The following WIPF3 variants were observed in gnomAD, a reference collection of about 807,000 sequenced individuals.
WIPF3 encodes WAS/WASL interacting protein family member 3, also known as WAS/WASL-interacting protein family member 3.
WIPF3 carries 33 observed loss-of-function variants against 38.9 expected under a neutral mutation model. The ratio of observed to expected loss-of-function variants is 0.85; its 90% confidence interval spans 0.64 to 1.14. The LOEUF is 1.14. Among genes scored for constraint, WIPF3 ranks in the 50% most tolerant of loss-of-function variants. The pLI, the probability that WIPF3 is intolerant of heterozygous loss-of-function variation, is 0.00. For synonymous variants in WIPF3, 324 were observed against 269.3 expected (o/e 1.20, Z -1.99); for missense variants, 711 against 652.5 (o/e 1.09, Z -0.98).
intron 8 of WIPF3, chr7:29,906,266 T>G (rs572607943): frequency 2.6e-5 from 4 of 152,134 alleles, no homozygotes; most frequent in Admixed American, 1.3e-4. Flanking sequence ...ACAACTGTCT[T>G]AAAGATGCTC....
chr7:29,897,483 T>A (rs149047266), intron 7 of WIPF3, among the ~76,000 whole-genome samples: 3 of 152,392 alleles, frequency 2.0e-5, no homozygotes, highest in African/African-American at 7.2e-5. Context: ...TTTTATTTTC[T>A]GTTTTTTATT....
At chr7:29,907,059 G>A (rs1243348622) in intron 8 of WIPF3, among the ~76,000 whole-genome samples, 2 of 152,190 alleles carry the variant, frequency 1.3e-5, no homozygotes, top group African/African-American at 4.8e-5. Flanking sequence ...ACACGAAACA[G>A]TAACTTGAAG....
intron 7 of WIPF3, among the ~76,000 whole-genome samples, chr7:29,890,319 T>G (rs1785976952): frequency 6.9e-6 from 1 of 145,896 alleles, no homozygotes; most frequent in Non-Finnish European, 1.5e-5. Flanking sequence ...GCCACTTCAC[T>G]CCAGCATTGA....
At chr7:29,888,013 T>C in intron 5 of WIPF3, 55 bp from the exon 6 acceptor site, 1 of 1,607,702 alleles carries the variant, frequency 6.2e-7, no homozygotes, top group South Asian at 1.1e-5. Context: ...CATAAGGTTA[T>C]AGCATCCACC....
intron 1 of WIPF3, among the ~76,000 whole-genome samples, chr7:29,818,885 T>C (rs761062049): frequency 5.6e-4 from 86 of 152,334 alleles, no homozygotes; most frequent in Non-Finnish European, 9.7e-4. Context: ...ATGATTTTCC[T>C]GTTTTATGCC....
rs1165383958 is a variant in WIPF3 at position 29,844,155 on chromosome 7, G to GT, written c.90+9342dup. Among the ~76,000 whole-genome samples the GT allele has an allele frequency of 6.6e-6, 1 of 152,228 alleles. No homozygotes were observed. Among genetic ancestry groups the GT allele is most frequent in the Non-Finnish European group, 1.5e-5 (1 of 68,030 alleles). On this transcript the variant is annotated intron_variant, in intron 2 of 8. Transcript: ENST00000242140. This position sits in a 1 kb window ranked among gnomAD's most constrained non-coding sequence, Gnocchi z 4.8. ...GCCTATGCACTCTCACATAAAGGCTGTAAGGACATGGAAAACGTGTCATCA... is the reference window on the plus strand; with the variant it reads ...GCCTATGCACTCTCACATAAAGGCTGTTAAGGACATGGAAAACGTGTCATCA...
intron 1 of WIPF3, among the ~76,000 whole-genome samples, chr7:29,822,969 C>T (rs996401965): frequency 1.1e-4 from 17 of 152,154 alleles, no homozygotes; most frequent in African/African-American, 4.1e-4. Context: ...CAAGAAGCCA[C>T]CATATCCTTA....
At position 29,879,044 on chromosome 7, in the gene WIPF3, G is replaced by A. The variant is rs369623039; in HGVS notation, c.259G>A (p.Ala87Thr). 8 of 1,603,872 alleles carry A rather than the reference G, an allele frequency of 5.0e-6. No individual in the cohort carries two copies. The African/African-American group carries it at 8.0e-5, about 16-fold the overall frequency. Residue 87 changes from alanine to threonine, a missense_variant, in exon 4 of 9, where the codon GCA becomes ACA. Physicochemically the swap from Ala to Thr is moderately conservative, Grantham distance 58 (BLOSUM62 0). Transcript: ENST00000242140. ...AACCAACAAAGAAGGAGGAGGTTCT[G>A]CAAACACACGAGGCGCGAGCACACC... The part of the protein sequence containing the change: ...KGTNKEGGGS[A>T]NTRGASTPPT...
At chr7:29,851,209 G>A (rs758053220) in intron 2 of WIPF3, among the ~76,000 whole-genome samples, 17 of 152,172 alleles carry the variant, frequency 1.1e-4, no homozygotes, top group Non-Finnish European at 1.8e-4. Flanking sequence ...TCAGGAGGGT[G>A]CTGAGACTGG....
chr7:29,845,010 T>A (rs2128067470), intron 2 of WIPF3, among the ~76,000 whole-genome samples: 1 of 150,998 alleles, frequency 6.6e-6, no homozygotes, highest in South Asian at 2.1e-4. Flanking sequence ...AGCTGCCTCC[T>A]GAGATTGCTG....
chr7:29,914,629 A>C lies in WIPF3; in HGVS notation c.*113A>C. On this transcript the variant is annotated 3_prime_UTR_variant, in exon 9 of 9. Transcript: ENST00000242140. ...GTTGGCATACAGGCTTGGAATTGAG[A>C]ATTTATTTATTGTAAATATGTGATT... 2 of 657,348 alleles carry C rather than the reference A, an allele frequency of 3.0e-6. No individual in the cohort carries two copies. 40.7% of individuals were successfully genotyped at this position (657,348 alleles called of 1,614,324 possible).
chr7:29,808,556 G>T (rs1784323304), intron 1 of WIPF3, among the ~76,000 whole-genome samples: 1 of 152,206 alleles, frequency 6.6e-6, no homozygotes, highest in East Asian at 1.9e-4. Flanking sequence ...AGCGGTCAGG[G>T]TGACAGACAC....
chr7:29,884,421 C>A lies in WIPF3; in HGVS notation c.927C>A (p.Pro309=). 1 of 1,519,990 alleles carries A rather than the reference C, an allele frequency of 6.6e-7. No individual in the cohort carries two copies. The highest frequency in any genetic ancestry group is 8.9e-7 in the Non-Finnish European group (1 of 1,129,304). The allele number at this position is 1,519,990 out of a possible 1,614,324, so 94.2% of individuals were successfully genotyped here. A position where few individuals can be genotyped will look rare whatever the true frequency, so the allele number is the denominator to read the frequency against. The change falls in exon 5 of 9, where the codon CCC becomes CCA. Residue 309 remains proline (P), a synonymous_variant. Transcript: ENST00000242140. ...CTTGCTCCCCGAGGGCTTCTTTGCCCGCGCCCCCTTTGCCAGGAGTTAATA... is the reference window on the plus strand; with the variant it reads ...CTTGCTCCCCGAGGGCTTCTTTGCCAGCGCCCCCTTTGCCAGGAGTTAATA... ...YASCSPRASL[P]APPLPGVNSS... is the part of the protein sequence containing the mutation.
intron 2 of WIPF3, 112 bp downstream of exon 2, chr7:29,834,926 G>C (rs1784776915): frequency 7.5e-7 from 1 of 1,328,124 alleles, no homozygotes; most frequent in Non-Finnish European, 1.0e-6. Context: ...CCTGTGGCAG[G>C]TGGCATCTTA....
intron 2 of WIPF3, among the ~76,000 whole-genome samples, chr7:29,848,051 C>T (rs1360264548): frequency 2.0e-5 from 3 of 152,144 alleles, no homozygotes; most frequent in South Asian, 2.1e-4. Context: ...TCCATGGGGC[C>T]AGTACTTGCT....
intron 1 of WIPF3, among the ~76,000 whole-genome samples, chr7:29,833,080 G>A (rs1174237609): frequency 6.6e-6 from 1 of 152,228 alleles, no homozygotes; most frequent in Non-Finnish European, 1.5e-5. Context: ...GACAAATGTT[G>A]TATGGTTCCA....
At chr7:29,885,163 G>T (rs1221492497) in intron 5 of WIPF3, among the ~76,000 whole-genome samples, 1 of 152,138 alleles carries the variant, frequency 6.6e-6, no homozygotes, top group Non-Finnish European at 1.5e-5. Flanking sequence ...GAAAACTGAG[G>T]GCCTGTATTT....
intron 1 of WIPF3, among the ~76,000 whole-genome samples, chr7:29,825,594 A>G (rs1784603842): frequency 6.6e-6 from 1 of 152,228 alleles, no homozygotes; most frequent in African/African-American, 2.4e-5. Context: ...AACAATTTTT[A>G]TGGAACTCAG....
intron 2 of WIPF3, among the ~76,000 whole-genome samples, chr7:29,874,348 C>T (rs1785549858): frequency 2.0e-5 from 3 of 151,968 alleles, no homozygotes; most frequent in African/African-American, 7.3e-5. Flanking sequence ...GATGTGGAGT[C>T]CTTGGGGTTA....
Sources: allele counts gnomAD v4.1 joint callset (sites outside exome capture counted in the v4.1 genomes callset), GRCh38; gene constraint gnomAD v4.1.1; non-coding constraint Gnocchi (gnomAD v3.1); transcripts MANE v1.5; gene names NCBI Gene and HGNC (gene_info 2026-07-23, HGNC 2026-07-21).